Variants in NHSL1 observed in about 807,000 individuals in gnomAD.
NHSL1 encodes the protein NHS like 1.
A neutral mutation model predicts 95.0 loss-of-function variants in NHSL1; 48 were observed. The observed-to-expected ratio is 0.51, with a 90% confidence interval of 0.40 to 0.64. NHSL1 has a LOEUF of 0.64. NHSL1 is among the 30% of genes least tolerant of loss of function. The probability of loss-of-function intolerance (pLI) is 0.00; values close to 1 mark genes in which losing one functional copy is unlikely to be tolerated. For missense variants in NHSL1, 1,971 were observed against 2,077.7 expected, an observed-to-expected ratio of 0.95 and a Z score of 1.00; for synonymous variants, 783 against 833.9, an observed-to-expected ratio of 0.94 and a Z score of 1.05.
At chr6:138,434,145 G>C (rs1283666003) in intron 5 of NHSL1, among the ~76,000 whole-genome samples, 10 of 152,142 alleles carry the variant, frequency 6.6e-5, no homozygotes, top group Admixed American at 5.9e-4. Context: ...GAGGGGTACT[G>C]GTATAAAACA....
chr6:138,691,922 GA>G (rs1372918308), intron 1 of NHSL1: 4 of 456,532 alleles, frequency 8.8e-6, no homozygotes, highest in Admixed American at 7.1e-5. Context: ...CGCCAAATGG[GA>G]AAACCCTTAA....
At chr6:138,434,410 T>TAAAAAA (rs373971787) in intron 5 of NHSL1, among the ~76,000 whole-genome samples, 2 of 138,570 alleles carry the variant, frequency 1.4e-5, no homozygotes, top group African/African-American at 5.3e-5. Flanking sequence ...AATAGTATGT[T>TAAAAAA]AAAAAAAAAA....
At chr6:138,664,759 G>C (rs1381676955) in intron 1 of NHSL1, among the ~76,000 whole-genome samples, 1 of 152,210 alleles carries the variant, frequency 6.6e-6, no homozygotes, top group Non-Finnish European at 1.5e-5. Context: ...ATTGGCTCAT[G>C]CAATTGTCGG....
At chr6:138,452,677 T>G (rs534844620) in intron 3 of NHSL1, among the ~76,000 whole-genome samples, 7 of 152,198 alleles carry the variant, frequency 4.6e-5, no homozygotes, top group Non-Finnish European at 8.8e-5. Context: ...GAATTAAACC[T>G]CTTGTGTTGA....
intron 1 of NHSL1, among the ~76,000 whole-genome samples, chr6:138,682,636 G>GGAATGGATGAATGGATGAATGGAT (rs34584557): frequency 1.3e-5 from 2 of 151,020 alleles, no homozygotes; most frequent in Non-Finnish European, 3.0e-5. Context: ...ATACAGTTCA[G>GGAATGGATGAATGGATGAATGGAT]GAATGGATGA....
intron 3 of NHSL1, among the ~76,000 whole-genome samples, 195 bp downstream of exon 3, chr6:138,473,111 T>C (rs1217113908): frequency 6.6e-6 from 1 of 152,264 alleles, no homozygotes; most frequent in Non-Finnish European, 1.5e-5. Context: ...AAGTTTCCTG[T>C]GTACCCTTTA....
intron 1 of NHSL1, among the ~76,000 whole-genome samples, chr6:138,671,955 T>G (rs1785377172): frequency 2.1e-5 from 1 of 48,166 alleles, no homozygotes; most frequent in Non-Finnish European, 3.1e-5. Context: ...GGGGGGTGGG[T>G]TGAGGAAGGA....
chr6:138,570,998 G>A (rs34251944), intron 1 of NHSL1, among the ~76,000 whole-genome samples: 1 of 152,296 alleles, frequency 6.6e-6, no homozygotes, highest in East Asian at 1.9e-4. Context: ...GGTGTGTTAA[G>A]AAATATCGAA....
intron 2 of NHSL1, among the ~76,000 whole-genome samples, chr6:138,487,116 G>C (rs528946206): frequency 6.0e-5 from 9 of 150,924 alleles, no homozygotes; most frequent in African/African-American, 2.2e-4. Flanking sequence ...TACACGTGAA[G>C]GCACAAAGTA....
rs148792222 is a variant in NHSL1 at position 138,617,760 on chromosome 6, A to G, written c.96+74716T>C. Reference sequence around the variant, plus strand: ...ACGGAACTGCAGGTACTGCGTTCTCATTACTCCTGGAGGACAGGCTGAGTC... The same window carrying G: ...ACGGAACTGCAGGTACTGCGTTCTCGTTACTCCTGGAGGACAGGCTGAGTC... On this transcript the variant is annotated intron_variant, in intron 1 of 3. Transcript: ENST00000491526. Among the ~76,000 whole-genome samples, 578 of 152,332 alleles carry G rather than the reference A, an allele frequency of 3.8e-3. 2 individuals carry two copies. Among genetic ancestry groups the G allele is most frequent in the African/African-American group, 0.013 (549 of 41,578 alleles).
chr6:138,662,765 C>T (rs903929433), intron 1 of NHSL1, among the ~76,000 whole-genome samples: 6 of 151,530 alleles, frequency 4.0e-5, no homozygotes, highest in Admixed American at 1.3e-4. Flanking sequence ...TGAACAAGAT[C>T]TGATAAAGAA....
intron 1 of NHSL1, among the ~76,000 whole-genome samples, chr6:138,658,475 C>T (rs188967347): frequency 3.3e-5 from 5 of 152,332 alleles, no homozygotes; most frequent in Admixed American, 3.3e-4. Context: ...TTTCACTTTG[C>T]ATAACATCCT....
chr6:138,683,030 AGCGAGGTGGGAGCTGAGCG>A (rs1215145069), intron 1 of NHSL1, among the ~76,000 whole-genome samples: 2 of 152,196 alleles, frequency 1.3e-5, no homozygotes, highest in African/African-American at 4.8e-5. Flanking sequence ...ATAGCTAGGA[AGCGAGGTGGGAGCTGAGCG>A]GCCCTCCAGT....
At chr6:138,555,047 C>T (rs1025637312) in intron 1 of NHSL1, among the ~76,000 whole-genome samples, 3 of 152,196 alleles carry the variant, frequency 2.0e-5, no homozygotes, top group African/African-American at 4.8e-5. Flanking sequence ...TTCTTCAAAT[C>T]GGCAGACCAT....
chr6:138,679,226 G>T (rs1177896896), intron 1 of NHSL1, among the ~76,000 whole-genome samples: 1 of 152,182 alleles, frequency 6.6e-6, no homozygotes, highest in African/African-American at 2.4e-5. Flanking sequence ...AGTTGAGACA[G>T]ATGTCAGACT....
At chr6:138,629,831 G>GT (rs1010348517) in intron 1 of NHSL1, among the ~76,000 whole-genome samples, 1 of 152,182 alleles carries the variant, frequency 6.6e-6, no homozygotes, top group Non-Finnish European at 1.5e-5. Context: ...CAAACACATA[G>GT]TAAGTAGAAA....
intron 1 of NHSL1, among the ~76,000 whole-genome samples, chr6:138,620,966 T>C (rs972156814): frequency 3.3e-5 from 5 of 152,040 alleles, no homozygotes; most frequent in Non-Finnish European, 7.4e-5. Context: ...GGAGGACAGA[T>C]GGGTTGAGTG....
chr6:138,659,721 G>GTTTTT (rs35077038), intron 1 of NHSL1, among the ~76,000 whole-genome samples: 1 of 128,666 alleles, frequency 7.8e-6, no homozygotes, highest in African/African-American at 3.1e-5. Flanking sequence ...TTTTTTTTTT[G>GTTTTT]TTTTTTTTTT....
chr6:138,676,747 C>T (rs1197126615), intron 1 of NHSL1, among the ~76,000 whole-genome samples: 9 of 152,148 alleles, frequency 5.9e-5, no homozygotes, highest in Non-Finnish European at 1.2e-4. Flanking sequence ...CTCCACCTCC[C>T]GGGTTCAAGT....
Sources: gnomAD v4.1 joint callset for allele counts (sites outside exome capture counted in the v4.1 genomes callset) on GRCh38, gnomAD v4.1.1 for gene constraint, MANE v1.5 for transcripts, NCBI Gene and HGNC (gene_info 2026-07-23, HGNC 2026-07-21) for gene names.